ZCCHC7: variants seen among roughly 807,000 people sequenced by gnomAD.
The protein encoded by ZCCHC7 is zinc finger CCHC domain-containing protein 7.
A neutral mutation model predicts 52.0 loss-of-function variants in ZCCHC7; 35 were observed. The observed-to-expected ratio is 0.67, with a 90% CI of 0.51 to 0.89. The LOEUF (loss-of-function observed/expected upper bound fraction) is 0.89, where lower values mean the gene tolerates loss of function less well. ZCCHC7 is among the 40% of genes least tolerant of loss of function. The pLI is 0.00. For missense variants in ZCCHC7, 574 were observed against 649.1 expected (o/e 0.88, Z 1.26); for synonymous variants, 217 against 221.5 (o/e 0.98, Z 0.18).
chr9:37,166,384 A>C (rs1275224847), intron 2 of ZCCHC7, among the ~76,000 whole-genome samples: 1 of 152,042 alleles, frequency 6.6e-6, no homozygotes, highest in Non-Finnish European at 1.5e-5. Flanking sequence ...GTGACAGAGC[A>C]AGACTCCATC....
At chr9:37,304,956 G>C (rs981592270) in intron 4 of ZCCHC7, among the ~76,000 whole-genome samples, 2 of 152,126 alleles carry the variant, frequency 1.3e-5, no homozygotes, top group African/African-American at 4.8e-5. Flanking sequence ...ATTTCAATGT[G>C]AGATAATTTT....
At chr9:37,170,651 A>G (rs1257662417) in intron 2 of ZCCHC7, among the ~76,000 whole-genome samples, 1 of 152,190 alleles carries the variant, frequency 6.6e-6, no homozygotes, top group Non-Finnish European at 1.5e-5. Context: ...GATGCATTTA[A>G]TCCCTATATT....
At chr9:37,315,128 AAAAG>A (rs1214507208) in intron 5 of ZCCHC7, among the ~76,000 whole-genome samples, 1 of 152,100 alleles carries the variant, frequency 6.6e-6, no homozygotes, top group Non-Finnish European at 1.5e-5. Context: ...TAAAAAAAAA[AAAAG>A]AAAATGAGCT....
chr9:37,141,874 G>A (rs1843241818), intron 2 of ZCCHC7, among the ~76,000 whole-genome samples: 1 of 151,794 alleles, frequency 6.6e-6, no homozygotes, highest in South Asian at 2.1e-4. Flanking sequence ...TCAAATGTGA[G>A]GAATTTTGTT....
At chr9:37,323,389 G>A (rs561257995) in intron 5 of ZCCHC7, among the ~76,000 whole-genome samples, 1 of 152,176 alleles carries the variant, frequency 6.6e-6, no homozygotes, top group South Asian at 2.1e-4. Context: ...AAGCTTGTCA[G>A]TTTCCCTGAT....
chr9:37,250,183 C>T (rs1208132430), intron 2 of ZCCHC7, among the ~76,000 whole-genome samples: 1 of 152,116 alleles, frequency 6.6e-6, no homozygotes, highest in Non-Finnish European at 1.5e-5. Context: ...ATAGTTTTCT[C>T]CATATATGTG....
intron 2 of ZCCHC7, among the ~76,000 whole-genome samples, chr9:37,226,304 G>A (rs114223943): frequency 0.036 from 5,472 of 152,120 alleles, 304 homozygotes; most frequent in African/African-American, 0.12. Context: ...TAAATGGAGA[G>A]TTATATCATG....
intron 2 of ZCCHC7, among the ~76,000 whole-genome samples, chr9:37,244,292 CT>C (rs1212809825): frequency 6.6e-6 from 1 of 151,254 alleles, no homozygotes; most frequent in East Asian, 1.9e-4. Context: ...TGCCCCAGCC[CT>C]TGTTTTTTAA....
At chr9:37,191,345 C>G (rs1823012979) in intron 2 of ZCCHC7, among the ~76,000 whole-genome samples, 2 of 152,106 alleles carry the variant, frequency 1.3e-5, no homozygotes, top group African/African-American at 4.8e-5. Context: ...TTTTTAATCA[C>G]CAGTATATTG....
chr9:37,260,200 A>T (rs1826798600), intron 2 of ZCCHC7, among the ~76,000 whole-genome samples: 1 of 152,204 alleles, frequency 6.6e-6, no homozygotes, highest in African/African-American at 2.4e-5. Context: ...AGGTTCCAGG[A>T]AGAGGAGTAC....
At chr9:37,259,700 T>G (rs1396991134) in intron 2 of ZCCHC7, among the ~76,000 whole-genome samples, 1 of 152,188 alleles carries the variant, frequency 6.6e-6, no homozygotes, top group Non-Finnish European at 1.5e-5. Context: ...ATTCTAAGTG[T>G]AGATTTATAC....
intron 5 of ZCCHC7, among the ~76,000 whole-genome samples, chr9:37,319,439 G>GTTTTT (rs538105263): frequency 6.6e-6 from 1 of 151,824 alleles, no homozygotes; most frequent in Non-Finnish European, 1.5e-5. Flanking sequence ...TTTTGTTTTT[G>GTTTTT]TTTTTTGAGA....
chr9:37,187,293 G>A (rs1277446388), intron 2 of ZCCHC7, among the ~76,000 whole-genome samples: 1 of 152,182 alleles, frequency 6.6e-6, no homozygotes, highest in African/African-American at 2.4e-5. Context: ...GGATAGTTTC[G>A]AGATGAAACT....
At chr9:37,139,048 C>T (rs1307152476) in intron 2 of ZCCHC7, among the ~76,000 whole-genome samples, 1 of 151,832 alleles carries the variant, frequency 6.6e-6, no homozygotes, top group Non-Finnish European at 1.5e-5. Flanking sequence ...AATTCATATT[C>T]TGTAAGTAGG....
chr9:37,120,674 C>A (rs1288556482), intron 1 of ZCCHC7, 51 bp downstream of exon 1: 2 of 383,768 alleles, frequency 5.2e-6, no homozygotes, highest in Non-Finnish European at 4.6e-6. Flanking sequence ...GGACCCCTGC[C>A]TACCCTCCTT....
intron 2 of ZCCHC7, among the ~76,000 whole-genome samples, chr9:37,253,917 A>G (rs1826450977): frequency 6.6e-6 from 1 of 152,020 alleles, no homozygotes; most frequent in African/African-American, 2.4e-5. Flanking sequence ...TTATAATTTT[A>G]TACTGGAAAT....
intron 2 of ZCCHC7, among the ~76,000 whole-genome samples, chr9:37,251,669 G>C (rs933689226): frequency 6.6e-6 from 1 of 152,144 alleles, no homozygotes; most frequent in Non-Finnish European, 1.5e-5. Context: ...TCAGAGTGAC[G>C]GGCCCACAGG....
At chr9:37,186,182 G>GTA (rs1399542006) in intron 2 of ZCCHC7, among the ~76,000 whole-genome samples, 4 of 152,092 alleles carry the variant, frequency 2.6e-5, no homozygotes, top group Non-Finnish European at 4.4e-5. Flanking sequence ...AAACATGAGT[G>GTA]TATGATTATG....
At chr9:37,314,773 TA>T (rs1829741168) in intron 5 of ZCCHC7, among the ~76,000 whole-genome samples, 1 of 146,912 alleles carries the variant, frequency 6.8e-6, no homozygotes, top group African/African-American at 2.5e-5. Flanking sequence ...AAAAAAAGTA[TA>T]CATTCCAGAC....
Sources: allele counts gnomAD v4.1 joint callset (sites outside exome capture counted in the v4.1 genomes callset), GRCh38; gene constraint gnomAD v4.1.1; transcripts MANE v1.5; gene names NCBI Gene and HGNC (gene_info 2026-07-23, HGNC 2026-07-21).